The following PPM1E variants were observed in gnomAD, a reference collection of about 807,000 sequenced individuals.
The protein encoded by PPM1E is protein phosphatase 1E.
Under a neutral mutation model 65.9 loss-of-function variants are expected in PPM1E, and 20 were observed. The observed-to-expected ratio is 0.30, with a 90% confidence interval of 0.21 to 0.44. PPM1E has a LOEUF of 0.44. Among genes scored for constraint, PPM1E ranks in the 20% least tolerant of loss-of-function variants. The pLI is 1.00. For synonymous variants in PPM1E, 352 were observed against 374.9 expected (o/e 0.94, Z 0.70); for missense variants, 713 against 953.1 (o/e 0.75, Z 3.32).
At chr17:58,774,414 A>C (rs910651774) in intron 1 of PPM1E, among the ~76,000 whole-genome samples, 1 of 152,172 alleles carries the variant, frequency 6.6e-6, no homozygotes, top group South Asian at 2.1e-4. Flanking sequence ...AGTTCAATCT[A>C]AAAAAGCATA....
intron 1 of PPM1E, among the ~76,000 whole-genome samples, chr17:58,889,279 C>T (rs2051317047): frequency 6.6e-6 from 1 of 152,050 alleles, no homozygotes; most frequent in Non-Finnish European, 1.5e-5. Flanking sequence ...CAGTTCAGTT[C>T]TGTTAATTGA....
intron 1 of PPM1E, among the ~76,000 whole-genome samples, chr17:58,888,828 A>G (rs2051312233): frequency 1.3e-5 from 2 of 152,212 alleles, no homozygotes; most frequent in South Asian, 4.1e-4. Flanking sequence ...GCTCTTAATT[A>G]TTAGATAGTT....
intron 1 of PPM1E, among the ~76,000 whole-genome samples, chr17:58,787,573 A>G (rs1598570965): frequency 6.6e-6 from 1 of 152,112 alleles, no homozygotes; most frequent in East Asian, 1.9e-4. Flanking sequence ...TCTAGAGAGT[A>G]TACATAACCA....
intron 1 of PPM1E, among the ~76,000 whole-genome samples, chr17:58,892,524 G>A (rs948743517): frequency 7.2e-5 from 11 of 152,016 alleles, no homozygotes; most frequent in Non-Finnish European, 1.0e-4. Flanking sequence ...AGTAAGCCAC[G>A]ATCACACCAC....
intron 1 of PPM1E, among the ~76,000 whole-genome samples, chr17:58,922,003 G>T (rs2051758341): frequency 6.6e-6 from 1 of 150,446 alleles, no homozygotes; most frequent in Admixed American, 6.6e-5. Flanking sequence ...TTGCACCACT[G>T]CACTCCAGCC....
chr17:58,975,015 T>C (rs971025129), intron 6 of PPM1E, among the ~76,000 whole-genome samples: 5 of 152,190 alleles, frequency 3.3e-5, no homozygotes, highest in Non-Finnish European at 5.9e-5. Flanking sequence ...TATGGAATTA[T>C]TATTATTATT....
At chr17:58,813,927 T>C (rs749747093) in intron 1 of PPM1E, among the ~76,000 whole-genome samples, 19 of 152,190 alleles carry the variant, frequency 1.2e-4, no homozygotes, top group African/African-American at 4.1e-4. Flanking sequence ...GTGTTTGTTA[T>C]GCACAAGGAA....
chr17:58,873,608 T>TATTA (rs60712819), intron 1 of PPM1E, among the ~76,000 whole-genome samples: 1 of 144,698 alleles, frequency 6.9e-6, no homozygotes, highest in African/African-American at 2.5e-5. Context: ...TTATTATTAT[T>TATTA]TTCGAGTCAG....
chr17:58,876,421 A>C (rs1480277294), intron 1 of PPM1E, among the ~76,000 whole-genome samples: 1 of 152,142 alleles, frequency 6.6e-6, no homozygotes, highest in East Asian at 1.9e-4. Flanking sequence ...TTTCTTGAGG[A>C]TAAACAAAAT....
In PPM1E at chr17:58,905,363, A is replaced by T. The variant is rs182173434; in HGVS notation, c.465-50286A>T. 3.0e-3 allele frequency among the ~76,000 whole-genome samples: 458 copies of T among 152,284 alleles called. 2 individuals are homozygous for T. The highest frequency in any genetic ancestry group is 5.3e-3 in the Non-Finnish European group (359 of 68,012). The stretch of plus-strand genomic sequence containing the variant: ...AAGTCTTTTATAGATATTCTTTATT[A>T]AGTTAAAGAAGTTGCCCTCTATTTC... On this transcript the variant is annotated intron_variant, in intron 1 of 6. Transcript: ENST00000308249.
chr17:58,807,627 A>T (rs2050328437), intron 1 of PPM1E, among the ~76,000 whole-genome samples: 1 of 152,226 alleles, frequency 6.6e-6, no homozygotes, highest in Non-Finnish European at 1.5e-5. Context: ...AAAAAATACA[A>T]AGATAAGTCA....
chr17:58,828,055 C>A (rs1034757817), intron 1 of PPM1E, among the ~76,000 whole-genome samples: 6 of 151,046 alleles, frequency 4.0e-5, no homozygotes, highest in African/African-American at 1.5e-4. Flanking sequence ...CCCGTGTCTA[C>A]TAAAAATACA....
chr17:58,884,562 A>C (rs1045516371), intron 1 of PPM1E, among the ~76,000 whole-genome samples: 14 of 152,136 alleles, frequency 9.2e-5, no homozygotes, highest in Non-Finnish European at 1.8e-4. Context: ...AGTACATTGA[A>C]TATTAATATT....
chr17:58,886,576 T>G (rs940177446), intron 1 of PPM1E, among the ~76,000 whole-genome samples: 3 of 152,220 alleles, frequency 2.0e-5, no homozygotes, highest in African/African-American at 7.2e-5. Context: ...CAATTCCATT[T>G]TCTTTTATTT....
At chr17:58,767,987 GTTACC>G in intron 1 of PPM1E, among the ~76,000 whole-genome samples, 1 of 151,862 alleles carries the variant, frequency 6.6e-6, no homozygotes, top group Admixed American at 6.6e-5. Flanking sequence ...GTCTCACTCT[GTTACC>G]CAGGCTGGAG....
chr17:58,839,562 G>A (rs752778654), intron 1 of PPM1E, among the ~76,000 whole-genome samples: 2 of 152,120 alleles, frequency 1.3e-5, no homozygotes, highest in Admixed American at 1.3e-4. Context: ...TTCTGCATGG[G>A]TTTATAGGTT....
chr17:58,764,287 A>T (rs983166979), intron 1 of PPM1E, among the ~76,000 whole-genome samples: 1 of 152,110 alleles, frequency 6.6e-6, no homozygotes, highest in Non-Finnish European at 1.5e-5. Context: ...AAAAACCACA[A>T]CTACAACAAC....
At chr17:58,771,892 G>A (rs146330515) in intron 1 of PPM1E, among the ~76,000 whole-genome samples, 6 of 152,242 alleles carry the variant, frequency 3.9e-5, no homozygotes, top group Non-Finnish European at 4.4e-5. Context: ...CTCAAGAAGT[G>A]TGCAGTTTAG....
intron 1 of PPM1E, among the ~76,000 whole-genome samples, chr17:58,920,139 ACT>A (rs2051734311): frequency 6.6e-6 from 1 of 152,124 alleles, no homozygotes; most frequent in Non-Finnish European, 1.5e-5. Context: ...AATCAAAATG[ACT>A]CTAAGATTTT....
Sources: allele counts gnomAD v4.1 joint callset (sites outside exome capture counted in the v4.1 genomes callset), GRCh38; gene constraint gnomAD v4.1.1; transcripts MANE v1.5; gene names NCBI Gene and HGNC (gene_info 2026-07-23, HGNC 2026-07-21).